Variants in IL1RL2 observed in about 807,000 individuals in gnomAD.
IL1RL2 encodes the protein interleukin-1 receptor-like 2.
In IL1RL2, 68 loss-of-function variants were observed where a neutral mutation model predicts 66.8. The ratio of observed to expected loss-of-function variants is 1.02; its 90% CI spans 0.84 to 1.25. The LOEUF (loss-of-function observed/expected upper bound fraction) is 1.25, where lower values mean the gene tolerates loss of function less well. Among genes scored for constraint, IL1RL2 ranks in the 50% most tolerant of loss-of-function variants. The pLI is 0.00. For synonymous variants in IL1RL2, 305 were observed against 264.6 expected (o/e 1.15, Z -1.48); for missense variants, 729 against 709.3 (o/e 1.03, Z -0.32).
downstream of IL1RL2, among the ~76,000 whole-genome samples, chr2:102,240,525 C>T (rs1038261788): frequency 6.6e-6 from 1 of 151,982 alleles, no homozygotes; most frequent in South Asian, 2.1e-4. Flanking sequence ...TATGCACACA[C>T]GGAATGGAAA....
At chr2:102,235,444 T>C in intron 11 of IL1RL2, 167 bp downstream of exon 11, 4 of 985,348 alleles carry the variant, frequency 4.1e-6, no homozygotes, top group East Asian at 2.3e-4. Flanking sequence ...ATTTGTTTGC[T>C]TCGATCAGAG....
intron 5 of IL1RL2, among the ~76,000 whole-genome samples, chr2:102,203,734 T>G (rs1312192742): frequency 6.6e-6 from 1 of 152,132 alleles, no homozygotes; most frequent in African/African-American, 2.4e-5. Context: ...AATAATCTTT[T>G]GGATTTCTGC....
intron 8 of IL1RL2, among the ~76,000 whole-genome samples, chr2:102,224,019 A>G (rs1177986713): frequency 1.3e-5 from 2 of 152,176 alleles, no homozygotes; most frequent in Non-Finnish European, 2.9e-5. Context: ...GTTCTTAGTT[A>G]TTGTGCCATG....
chr2:102,201,727 C>A lies in IL1RL2; in HGVS notation c.649+12C>A. ...CACTGTGAGCATTAGTAAGTATGCT[C>A]ATGTATGCCTGTCGCCTTGTATTCT... On this transcript the variant is annotated intron_variant, in intron 5 of 11. Transcript: ENST00000264257. The A allele has an allele frequency of 6.2e-7, 1 of 1,610,870 alleles. No homozygotes were observed. The highest frequency in any genetic ancestry group is 1.1e-5 in the South Asian group (1 of 90,838).
intron 2 of IL1RL2, among the ~76,000 whole-genome samples, chr2:102,188,240 A>T (rs970955168): frequency 6.6e-6 from 1 of 152,220 alleles, no homozygotes; most frequent in African/African-American, 2.4e-5. Flanking sequence ...GCGTTATTTT[A>T]TGACACAAGG....
chr2:102,234,741 T>A (rs895530927), intron 10 of IL1RL2, among the ~76,000 whole-genome samples, 156 bp from the exon 11 acceptor site: 1 of 151,990 alleles, frequency 6.6e-6, no homozygotes, highest in African/African-American at 2.4e-5. Flanking sequence ...GAGCTGAGAT[T>A]GCATCCCTGC....
intron 3 of IL1RL2, among the ~76,000 whole-genome samples, chr2:102,190,019 C>T (rs1025901891): frequency 2.0e-5 from 3 of 152,180 alleles, no homozygotes; most frequent in Admixed American, 2.0e-4. Context: ...GAATGAGCCT[C>T]CTATGAGCGC....
intron 11 of IL1RL2, among the ~76,000 whole-genome samples, chr2:102,236,183 C>T (rs931498106): frequency 6.6e-6 from 1 of 152,016 alleles, no homozygotes; most frequent in Non-Finnish European, 1.5e-5. Flanking sequence ...TTTCCAAGAC[C>T]CTGGCCTGAG....
At chr2:102,212,410 A>G (rs1217834643) in intron 6 of IL1RL2, among the ~76,000 whole-genome samples, 1 of 152,212 alleles carries the variant, frequency 6.6e-6, no homozygotes, top group African/African-American at 2.4e-5. Context: ...TGGGCCCAAA[A>G]TGATTATTAT....
rs1054735395 is a variant in IL1RL2 at position 102,239,956 on chromosome 2, A to G, written c.*715A>G. The G allele has an allele frequency of 6.6e-6, 1 of 152,292 alleles. No individual in the cohort carries two copies. The highest frequency in any genetic ancestry group is 1.5e-5 in the Non-Finnish European group (1 of 68,064). 9.4% of individuals were successfully genotyped at this position (152,292 alleles called of 1,614,324 possible). On this transcript the variant is annotated 3_prime_UTR_variant, in exon 12 of 12. Coordinates refer to ENST00000264257, the MANE Select transcript of IL1RL2 (RefSeq NM_003854.4). ...CAATTAAACTGTAAATGTTAAAAAT[A>G]TCAGTAATTTGTGAAATAAATTTTA...
intron 4 of IL1RL2, among the ~76,000 whole-genome samples, chr2:102,198,947 C>T (rs1441164006): frequency 6.6e-6 from 1 of 152,166 alleles, no homozygotes; most frequent in Non-Finnish European, 1.5e-5. Flanking sequence ...TCACCCCATG[C>T]ACCATGGTTA....
Position 102,235,244 on chromosome 2 carries a change from C to T in IL1RL2, c.1645C>T (p.Leu549=), listed in dbSNP as rs1226887850. 6.2e-7 allele frequency: 1 copy of T among 1,613,978 alleles called. No individual in the cohort carries two copies. The highest frequency in any genetic ancestry group is 2.2e-5 in the East Asian group (1 of 44,872). ...GTGTCGGCCGTTTCCTCCGGTCCAG[C>T]TGCTGCAGCACACACCTTGCTACCG... ...RRCRPFPPVQ[L]LQHTPCYRTA... The change falls in exon 11 of 12, where the codon CTG becomes TTG. Residue 549 remains leucine, a synonymous_variant. Coordinates refer to ENST00000264257, the MANE Select transcript of IL1RL2 (RefSeq NM_003854.4).
At chr2:102,218,860 C>A in intron 6 of IL1RL2, 93 bp from the exon 7 acceptor site, 2 of 1,089,886 alleles carry the variant, frequency 1.8e-6, no homozygotes, top group Non-Finnish European at 2.7e-6. Flanking sequence ...GTATTCGAGG[C>A]TCGAGAGTAC....
chr2:102,240,824 G>T (rs879571093), downstream of IL1RL2, among the ~76,000 whole-genome samples: 19 of 152,248 alleles, frequency 1.2e-4, no homozygotes, highest in Non-Finnish European at 2.1e-4. Context: ...GATAGTAGAA[G>T]TGAACATAAT....
In IL1RL2 at chr2:102,235,501, G is replaced by A. The variant is rs1674800905; in HGVS notation, c.1678+224G>A. ...CGGCTTCTGCAGAAGGCCCTCTTTA[G>A]CCTATGGGCTTATTGACACATGCCC... On this transcript the variant is annotated intron_variant, in intron 11 of 11. Transcript: ENST00000264257. 4 of 985,322 alleles carry A rather than the reference G, an allele frequency of 4.1e-6. No homozygotes were observed. The South Asian group carries it at 1.4e-4, about 35-fold the overall frequency. 61.0% of individuals were successfully genotyped at this position (985,322 alleles called of 1,614,324 possible).
At position 102,218,271 on chromosome 2, in the gene IL1RL2, A is replaced by G. The variant is rs114626908; in HGVS notation, c.725-682A>G. 5.6e-4 allele frequency among the ~76,000 whole-genome samples: 86 copies of G among 152,318 alleles called. 1 individual carries two copies. Among genetic ancestry groups the G allele is most frequent in the African/African-American group, 2.0e-3 (85 of 41,570 alleles). The stretch of plus-strand genomic sequence containing the variant: ...CTATACTGTTTGGTACATGTGTGTT[A>G]TATTTCACAATCATTTTTTAAAAAA... On this transcript the variant is annotated intron_variant, in intron 6 of 11. Coordinates refer to ENST00000264257, the MANE Select transcript of IL1RL2 (RefSeq NM_003854.4).
intron 6 of IL1RL2, among the ~76,000 whole-genome samples, chr2:102,213,221 G>C (rs1350669785): frequency 6.6e-6 from 1 of 152,156 alleles, no homozygotes; most frequent in Non-Finnish European, 1.5e-5. Context: ...GAAAGTAAGA[G>C]TCTACATGGT....
chr2:102,199,454 A>G (rs1279092261), intron 4 of IL1RL2, among the ~76,000 whole-genome samples: 1 of 152,214 alleles, frequency 6.6e-6, no homozygotes, highest in Admixed American at 6.5e-5. Flanking sequence ...AATATTGTAC[A>G]TGCTGGGTCA....
chr2:102,211,439 T>C (rs1689160778), intron 5 of IL1RL2, among the ~76,000 whole-genome samples: 2 of 152,046 alleles, frequency 1.3e-5, no homozygotes, highest in Non-Finnish European at 2.9e-5. Flanking sequence ...AATATGGAAA[T>C]GCAGAGTTGG....
Sources: allele counts gnomAD v4.1 joint callset (sites outside exome capture counted in the v4.1 genomes callset), GRCh38; gene constraint gnomAD v4.1.1; transcripts MANE v1.5; gene names NCBI Gene and HGNC (gene_info 2026-07-23, HGNC 2026-07-21).